The following SLC7A6 variants were observed in gnomAD, a reference collection of about 807,000 sequenced individuals.
SLC7A6 encodes the protein solute carrier family 7 member 6, also known as Y+L amino acid transporter 2.
A neutral mutation model predicts 46.6 loss-of-function variants in SLC7A6; 29 were observed. The observed-to-expected ratio is 0.62, with a 90% CI of 0.46 to 0.85. The LOEUF (loss-of-function observed/expected upper bound fraction) is 0.85, where lower values mean the gene tolerates loss of function less well. Ranked by LOEUF, SLC7A6 falls within the 40% of genes least tolerant of loss-of-function variation. The pLI is 0.00. For missense variants in SLC7A6, 527 were observed against 647.6 expected (o/e 0.81, Z 2.02); for synonymous variants, 276 against 257.3 (o/e 1.07, Z -0.70).
At chr16:68,291,462 C>A in intron 6 of SLC7A6, 96 bp from the exon 7 acceptor site, 1 of 1,573,674 alleles carries the variant, frequency 6.4e-7, no homozygotes, top group Non-Finnish European at 8.7e-7. Context: ...AGAGGGTGGG[C>A]TGCTTAGCAG....
At chr16:68,275,957 G>A (rs1027228554) in intron 3 of SLC7A6, among the ~76,000 whole-genome samples, 1 of 151,316 alleles carries the variant, frequency 6.6e-6, no homozygotes, top group Non-Finnish European at 1.5e-5. Context: ...AAAAAAAAAA[G>A]AGTTATTTTA....
chr16:68,268,223 G>A (rs756980917), intron 2 of SLC7A6, among the ~76,000 whole-genome samples: 43 of 152,224 alleles, frequency 2.8e-4, no homozygotes, highest in Non-Finnish European at 5.7e-4. Context: ...CAGGTATCCT[G>A]TTGGGGAGGG....
In SLC7A6 at chr16:68,275,024, G is replaced by T. The variant is rs1489206356; in HGVS notation, c.298G>T (p.Glu100Ter). The T allele has an allele frequency of 1.2e-6, 2 of 1,614,190 alleles. No homozygotes were observed. Among genetic ancestry groups the T allele is most frequent in the Non-Finnish European group, 1.7e-6 (2 of 1,180,046 alleles). The change falls in exon 3 of 11, where the codon GAG becomes TAG. Residue 100 changes from glutamate to a stop codon, truncating the protein, a stop_gained. Transcript: ENST00000219343. LOFTEE classifies it high-confidence loss of function. The part of the protein sequence containing the change: ...FSVVGALCYA[E>*]LGTTITKSGA... ...TGTTGTGGGTGCCCTTTGTTATGCA[G>T]AGCTGGGGACCACCATCACCAAGTC...
At chr16:68,272,814 G>A (rs1326812724) in intron 2 of SLC7A6, among the ~76,000 whole-genome samples, 3 of 152,200 alleles carry the variant, frequency 2.0e-5, no homozygotes, top group Non-Finnish European at 2.9e-5. Context: ...TTGTCTCCAT[G>A]TTGACTTGGG....
At chr16:68,287,585 T>G (rs1596997108) in intron 3 of SLC7A6, 161 bp from the exon 4 acceptor site, 1 of 1,482,380 alleles carries the variant, frequency 6.7e-7, no homozygotes, top group Non-Finnish European at 9.0e-7. Context: ...CTGGGGCGGG[T>G]GCAGGGTGTC....
At chr16:68,287,255 G>A in intron 3 of SLC7A6, 1 of 1,171,520 alleles carries the variant, frequency 8.5e-7, no homozygotes, top group East Asian at 5.7e-5. Context: ...TGGGATTACA[G>A]GTGTGAGCCA....
intron 6 of SLC7A6, 67 bp downstream of exon 6, chr16:68,291,399 C>T: frequency 1.9e-6 from 3 of 1,598,696 alleles, no homozygotes; most frequent in Non-Finnish European, 2.6e-6. Context: ...ACAGCTCAGT[C>T]TGTCTTACTG....
At chr16:68,266,404 G>A (rs1385390589) in intron 1 of SLC7A6, among the ~76,000 whole-genome samples, 189 bp from the exon 2 acceptor site, 2 of 152,336 alleles carry the variant, frequency 1.3e-5, no homozygotes, top group Middle Eastern at 3.4e-3. Flanking sequence ...CCCTGTGGGT[G>A]TCATGGAACC....
In SLC7A6 at chr16:68,291,320, T is replaced by G. The variant is rs1344866762; in HGVS notation, c.906T>G (p.Asp302Glu). ...VLNISDVLSS[D>E]AVAVTFADQT... is the part of the protein sequence containing the mutation. ...ACATTTCAGATGTCCTTAGCAGTGA[T>G]GCTGTGGCTGTGGTGAGTCTCTTGG... Residue 302 changes from aspartate (D) to glutamate (E), a missense_variant, in exon 6 of 11, where the codon GAT becomes GAG. By Grantham distance (45) the Asp-to-Glu change is conservative. Transcript: ENST00000219343. 1.2e-6 allele frequency: 2 copies of G among 1,614,164 alleles called. No individual in the cohort carries two copies. The highest frequency in any genetic ancestry group is 2.7e-5 in the African/African-American group (2 of 75,066).
chr16:68,281,797 C>A (rs1245564441), intron 3 of SLC7A6, among the ~76,000 whole-genome samples: 1 of 152,200 alleles, frequency 6.6e-6, no homozygotes, highest in African/African-American at 2.4e-5. Context: ...TGGGCTTTGA[C>A]CTCGGGATCC....
chr16:68,266,817 G>C (rs1469086106), intron 2 of SLC7A6, 96 bp downstream of exon 2: 2 of 151,952 alleles, frequency 1.3e-5, no homozygotes, highest in Non-Finnish European at 2.9e-5. Context: ...AAACAGAATG[G>C]CTTACACATA....
At chr16:68,278,775 T>C (rs2151219156) in intron 3 of SLC7A6, among the ~76,000 whole-genome samples, 1 of 152,346 alleles carries the variant, frequency 6.6e-6, no homozygotes, top group Non-Finnish European at 1.5e-5. Context: ...CCCTTTTCTA[T>C]TCGACAAAAC....
rs2042682708 is a variant in SLC7A6, at chr16:68,274,946, A to G, written c.220A>G (p.Thr74Ala). 6.2e-7 allele frequency: 1 copy of G among 1,614,156 alleles called. No homozygotes were observed. Residue 74 changes from threonine (T) to alanine (A), a missense_variant, in exon 3 of 11, where the codon ACT (threonine) becomes GCT (alanine). By Grantham distance (58) the Thr-to-Ala change is moderately conservative. Transcript: ENST00000219343. ...CTCACCCAAGGGTGTGCTGGTACAC[A>G]CTGCCTCCTATGGGATGTCACTGAT... is the stretch of plus-strand genomic sequence containing the variant. ...FVSPKGVLVH[T>A]ASYGMSLIVW...
intron 9 of SLC7A6, 51 bp downstream of exon 9, chr16:68,296,564 C>T (rs773981790): frequency 7.4e-6 from 12 of 1,613,678 alleles, no homozygotes; most frequent in Non-Finnish European, 1.0e-5. Context: ...CCTAAGGTGG[C>T]TTCTTGCCCA....
rs114248558 is a variant in SLC7A6, at chr16:68,273,620, T to G, written c.-36-1071T>G. Among the ~76,000 whole-genome samples the G allele has an allele frequency of 4.3e-3, 660 of 152,282 alleles. 5 individuals carry two copies. Among genetic ancestry groups the G allele is most frequent in the African/African-American group, 0.015 (632 of 41,544 alleles). Reference sequence around the variant, plus strand: ...AAATACACCAGTGGCAAATTAGCCCTGGGTTGGGATGCCCCTGGATGTCCT... The same window carrying G: ...AAATACACCAGTGGCAAATTAGCCCGGGGTTGGGATGCCCCTGGATGTCCT... On this transcript the variant is annotated intron_variant, in intron 2 of 10. Transcript: ENST00000219343.
chr16:68,301,054 C>A lies in SLC7A6; in HGVS notation c.*3726C>A. ...TTTTTTTTCTTTCAAACTGTAGGGT[C>A]ACTTTTGATTGAGGCAAAGGGGTCC... On this transcript the variant is annotated 3_prime_UTR_variant, in exon 11 of 11. Coordinates refer to ENST00000219343, the MANE Select transcript of SLC7A6 (RefSeq NM_003983.6). 1 of 1,215,556 alleles carries A rather than the reference C, an allele frequency of 8.2e-7. No individual in the cohort carries two copies. The highest frequency in any genetic ancestry group is 1.0e-6 in the Non-Finnish European group (1 of 977,096). 75.3% of individuals were successfully genotyped at this position (1,215,556 alleles called of 1,614,324 possible).
At position 68,274,742 on chromosome 16, in the gene SLC7A6, C is replaced by G; in HGVS notation, c.16C>G (p.Pro6Ala). 6.2e-7 allele frequency: 1 copy of G among 1,614,070 alleles called. No individual in the cohort carries two copies. MEARE[P>A]GRPTPTYHLV... ...ACCGTTTGTCATGGAAGCCAGGGAGCCTGGGAGGCCCACACCCACCTACCA... is the reference window on the plus strand; with the variant it reads ...ACCGTTTGTCATGGAAGCCAGGGAGGCTGGGAGGCCCACACCCACCTACCA... The change falls in exon 3 of 11, where the codon CCT (proline) becomes GCT (alanine). Residue 6 changes from proline (P) to alanine (A), a missense_variant. Physicochemically the swap from Pro to Ala is conservative, Grantham distance 27 (BLOSUM62 -1). Coordinates refer to ENST00000219343, the MANE Select transcript of SLC7A6 (RefSeq NM_003983.6).
intron 2 of SLC7A6, among the ~76,000 whole-genome samples, chr16:68,272,259 T>TA (rs35135693): frequency 0.44 from 65,755 of 149,972 alleles, 17,533 homozygotes; most frequent in East Asian, 0.81. Context: ...ACAGACAAAT[T>TA]AAAAAAAAAA....
intron 7 of SLC7A6, among the ~76,000 whole-genome samples, chr16:68,294,355 A>G (rs973551184): frequency 6.6e-6 from 1 of 152,180 alleles, no homozygotes; most frequent in African/African-American, 2.4e-5. Flanking sequence ...TATGTTAGCT[A>G]TGAATCTGGC....
Sources: gnomAD v4.1 joint callset for allele counts (sites outside exome capture counted in the v4.1 genomes callset) on GRCh38, gnomAD v4.1.1 for gene constraint, MANE v1.5 for transcripts, NCBI Gene and HGNC (gene_info 2026-07-23, HGNC 2026-07-21) for gene names.